Variants in FCRLA observed in about 807,000 individuals in gnomAD.
FCRLA encodes Fc receptor like A.
In FCRLA, 26 loss-of-function variants were observed where a neutral mutation model predicts 28.4. That is an observed-to-expected ratio of 0.91 (90% CI 0.67 to 1.27). The LOEUF is 1.27. Among genes scored for constraint, FCRLA ranks in the 50% most tolerant of loss-of-function variants. The pLI, the probability that FCRLA is intolerant of heterozygous loss-of-function variation, is 0.00. For missense variants in FCRLA, 422 were observed against 433.1 expected (o/e 0.97, Z 0.23); for synonymous variants, 174 against 168.5 (o/e 1.03, Z -0.25).
intron 2 of FCRLA, 32 bp from the exon 3 acceptor site, chr1:161,711,176 G>T (rs544495816): frequency 2.5e-6 from 4 of 1,588,988 alleles, no homozygotes; most frequent in African/African-American, 2.7e-5. Context: ...GGGAGGCCCT[G>T]GGTGACACTC....
rs1683123099 is a variant in FCRLA, at chr1:161,711,955, TCA to T, written c.522_523del (p.Arg175SerfsTer6). 1.2e-6 allele frequency: 2 copies of T among 1,612,292 alleles called. No individual in the cohort carries two copies. Among genetic ancestry groups the T allele is most frequent in the East Asian group, 4.5e-5 (2 of 44,868 alleles). On this transcript the variant is annotated frameshift_variant, in exon 4 of 5. Transcript: ENST00000236938. LOFTEE classifies it high-confidence loss of function. ...CCAGAACTGTTTCCAGCGCCAATTC[TCA>T]GAGCTGTACCCTCAGCTGAACCCCA...
chr1:161,707,935 T>C (rs925898423), intron 1 of FCRLA, among the ~76,000 whole-genome samples: 16 of 152,224 alleles, frequency 1.1e-4, no homozygotes, highest in Non-Finnish European at 1.8e-4. Flanking sequence ...TCTATAGTTA[T>C]AGCCTTGCCT....
Position 161,710,816 on chromosome 1 carries a change from T to C in FCRLA, c.136T>C (p.Cys46Arg). The change falls in exon 2 of 5, where the codon TGC becomes CGC. Residue 46 changes from cysteine to arginine, a missense_variant. Coordinates refer to ENST00000236938, the MANE Select transcript of FCRLA (RefSeq NM_032738.4). Reference protein sequence around the residue: ...EGPVCTEESSCHTEDDLTDAR... With the variant: ...EGPVCTEESSRHTEDDLTDAR... The stretch of plus-strand genomic sequence containing the variant: ...ACCTGTCTGCACTGAGGAGAGCAGC[T>C]GCCACACGGAGGATGACTTGACTGA... 1 of 1,614,100 alleles carries C rather than the reference T, an allele frequency of 6.2e-7. No individual in the cohort carries two copies. Among genetic ancestry groups the C allele is most frequent in the Non-Finnish European group, 8.5e-7 (1 of 1,180,016 alleles).
intron 1 of FCRLA, 166 bp from the exon 2 acceptor site, chr1:161,710,594 C>A: frequency 5.7e-6 from 8 of 1,413,934 alleles, no homozygotes; most frequent in Non-Finnish European, 7.8e-6. Flanking sequence ...TCAAAACTAT[C>A]CCCCTGAGAC....
intron 1 of FCRLA, chr1:161,710,428 C>G: frequency 6.5e-7 from 1 of 1,538,558 alleles, no homozygotes; most frequent in Non-Finnish European, 8.8e-7. Context: ...TCCTATGCCT[C>G]CCTGCTTCGA....
In FCRLA at chr1:161,713,316, T is replaced by C; in HGVS notation, c.1016T>C (p.Leu339Pro). The change falls in exon 5 of 5, where the codon CTC (leucine) becomes CCC (proline). Residue 339 changes from leucine (L) to proline (P), a missense_variant. Transcript: ENST00000236938. Reference sequence around the variant, plus strand: ...GTGAGAGTCCTCCTCGGTCACCTGCTCATGGAGTTGAGGGAATTATCTGGC... The same window carrying C: ...GTGAGAGTCCTCCTCGGTCACCTGCCCATGGAGTTGAGGGAATTATCTGGC... The part of the protein sequence containing the change: ...QDVRVLLGHL[L>P]MELRELSGHR... The C allele has an allele frequency of 1.9e-6, 3 of 1,614,226 alleles. No individual in the cohort carries two copies. Among genetic ancestry groups the C allele is most frequent in the Non-Finnish European group, 2.5e-6 (3 of 1,180,044 alleles).
chr1:161,711,928 T>C lies in FCRLA; in HGVS notation c.500-6T>C. 5 of 1,604,406 alleles carry C rather than the reference T, an allele frequency of 3.1e-6. No individual in the cohort carries two copies. Among genetic ancestry groups the C allele is most frequent in the South Asian group, 1.1e-5 (1 of 89,944 alleles). ...AGCTCTTCTTTCCTGCCTATCTTTT[T>C]CCCAGAACTGTTTCCAGCGCCAATT... On this transcript the variant is annotated splice_region_variant and splice_polypyrimidine_tract_variant and intron_variant, in intron 3 of 4. Coordinates refer to ENST00000236938, the MANE Select transcript of FCRLA (RefSeq NM_032738.4).
intron 1 of FCRLA, among the ~76,000 whole-genome samples, chr1:161,709,069 A>G (rs1571057843): frequency 6.6e-6 from 1 of 152,198 alleles, no homozygotes; most frequent in African/African-American, 2.4e-5. Context: ...TGAAAATAAT[A>G]ATACCTACCA....
At chr1:161,708,684 T>C (rs2101651679) in intron 1 of FCRLA, among the ~76,000 whole-genome samples, 1 of 152,322 alleles carries the variant, frequency 6.6e-6, no homozygotes, top group East Asian at 1.9e-4. Context: ...CTGAAATGAG[T>C]TCTTTCCATG....
chr1:161,713,031 G>A, intron 4 of FCRLA, 54 bp from the exon 5 acceptor site: 1 of 1,547,710 alleles, frequency 6.5e-7, no homozygotes, highest in Non-Finnish European at 8.7e-7. Flanking sequence ...GGATGGGAGG[G>A]AAGGGCCAGA....
At chr1:161,709,301 A>T (rs912617515) in intron 1 of FCRLA, among the ~76,000 whole-genome samples, 75 of 151,882 alleles carry the variant, frequency 4.9e-4, no homozygotes, top group African/African-American at 1.7e-3. Context: ...CCAATTTTTT[A>T]AAAAATTATT....
intron 4 of FCRLA, among the ~76,000 whole-genome samples, chr1:161,712,586 C>G (rs934917955): frequency 2.6e-5 from 4 of 152,238 alleles, no homozygotes; most frequent in Non-Finnish European, 5.9e-5. Flanking sequence ...AGAGGCTGCA[C>G]TTGACCTGAA....
At chr1:161,712,564 G>C (rs532197065) in intron 4 of FCRLA, among the ~76,000 whole-genome samples, 4 of 152,300 alleles carry the variant, frequency 2.6e-5, no homozygotes, top group African/African-American at 9.6e-5. Flanking sequence ...TCAATTCTGG[G>C]AGCCACTGTT....
intron 1 of FCRLA, among the ~76,000 whole-genome samples, chr1:161,709,850 A>G (rs1449940391): frequency 1.3e-5 from 2 of 152,156 alleles, no homozygotes; most frequent in Admixed American, 6.5e-5. Context: ...TGAGAAATGG[A>G]TAATTCTAAA....
rs111841068 is a variant in FCRLA, at chr1:161,711,080, T to C, written c.233-128T>C. 5,870 of 1,443,834 alleles carry C rather than the reference T, an allele frequency of 4.1e-3. 172 individuals are homozygous for C. The African/African-American group carries it at 0.073, about 18-fold the overall frequency. 89.4% of individuals were successfully genotyped at this position (1,443,834 alleles called of 1,614,324 possible). ...TAAGTCCTAGGCCCTAGGGAAGTTG[T>C]CCCATACTCCCAACCAGGGGTGAGA... On this transcript the variant is annotated intron_variant, in intron 2 of 4. Coordinates refer to ENST00000236938, the MANE Select transcript of FCRLA (RefSeq NM_032738.4).
At chr1:161,712,408 C>T (rs1380528922) in intron 4 of FCRLA, among the ~76,000 whole-genome samples, 190 bp downstream of exon 4, 2 of 152,216 alleles carry the variant, frequency 1.3e-5, no homozygotes, top group Admixed American at 6.5e-5. Context: ...CTCCCTCAGA[C>T]TGTGGTGCAC....
intron 1 of FCRLA, chr1:161,710,198 A>C (rs1345082039): frequency 4.0e-6 from 2 of 500,954 alleles, no homozygotes; most frequent in Admixed American, 3.3e-5. Flanking sequence ...TTGATTTTGG[A>C]CTCAGACACA....
At position 161,710,621 on chromosome 1, in the gene FCRLA, C is replaced by A. The variant is rs1392793567; in HGVS notation, c.80-139C>A. The A allele has an allele frequency of 2.8e-6, 4 of 1,415,126 alleles. No individual in the cohort carries two copies. In the Admixed American group the frequency reaches 8.1e-5, roughly 29 times the overall value. 87.7% of individuals were successfully genotyped at this position (1,415,126 alleles called of 1,614,324 possible). A position where few individuals can be genotyped will look rare whatever the true frequency, so the allele number is the denominator to read the frequency against. On this transcript the variant is annotated intron_variant, in intron 1 of 4. Coordinates refer to ENST00000236938, the MANE Select transcript of FCRLA (RefSeq NM_032738.4). The stretch of plus-strand genomic sequence containing the variant: ...CCCTGAGACACTCTCAGGGGTCTTT[C>A]CGAAAAAAAAAAAGGTTTTGATGTC...
chr1:161,710,334 G>A, intron 1 of FCRLA: 1 of 727,070 alleles, frequency 1.4e-6, no homozygotes. Flanking sequence ...AGTTTGTGAG[G>A]ATGAAGTTAG....
Sources: allele counts gnomAD v4.1 joint callset (sites outside exome capture counted in the v4.1 genomes callset), GRCh38; gene constraint gnomAD v4.1.1; transcripts MANE v1.5; gene names NCBI Gene and HGNC (gene_info 2026-07-23, HGNC 2026-07-21).